The following ARHGAP21 variants were observed in gnomAD, a reference collection of about 807,000 sequenced individuals.
ARHGAP21 encodes Rho GTPase activating protein 21, also known as rho GTPase-activating protein 21.
Under a neutral mutation model 164.6 loss-of-function variants are expected in ARHGAP21, and 38 were observed. The ratio of observed to expected loss-of-function variants is 0.23; its 90% CI spans 0.18 to 0.30. The LOEUF (loss-of-function observed/expected upper bound fraction) is 0.30. ARHGAP21 is among the 10% of genes least tolerant of loss of function. ARHGAP21 has a pLI of 1.00. For synonymous variants in ARHGAP21, 766 were observed against 857.9 expected (o/e 0.89, Z 1.87); for missense variants, 1,822 against 2,370.7 (o/e 0.77, Z 4.81).
intron 16 of ARHGAP21, 112 bp from the exon 17 acceptor site, chr10:24,596,994 A>T: frequency 8.6e-7 from 1 of 1,160,330 alleles, no homozygotes; most frequent in Non-Finnish European, 1.2e-6. Flanking sequence ...CCTGTAATAT[A>T]AATAATACAT....
chr10:24,717,125 G>A (rs1466644459), intron 2 of ARHGAP21, among the ~76,000 whole-genome samples: 1 of 152,166 alleles, frequency 6.6e-6, no homozygotes, highest in Non-Finnish European at 1.5e-5. Context: ...ACAGTATTGG[G>A]AGAAGAAATG....
In ARHGAP21 at chr10:24,620,184, G is replaced by C. The variant is rs139365604; in HGVS notation, c.1711C>G (p.Arg571Gly). Residue 571 changes from arginine to glycine, a missense_variant, in exon 9 of 26, where the codon CGA becomes GGA. By Grantham distance (125) the Arg-to-Gly change is moderately radical (BLOSUM62 -2). Coordinates refer to ENST00000396432, the MANE Select transcript of ARHGAP21 (RefSeq NM_020824.4). ...APSVVNSDNRRMSGRGVGSVS... is the reference protein window; with the variant it reads ...APSVVNSDNRGMSGRGVGSVS... ...GATCCCACTCCTCTACCACTCATTCGCCTGTTATCAGAATTAACAACGCTT... is the reference window on the plus strand; with the variant it reads ...GATCCCACTCCTCTACCACTCATTCCCCTGTTATCAGAATTAACAACGCTT... 39 of 1,613,656 alleles carry C rather than the reference G, an allele frequency of 2.4e-5. No homozygotes were observed. The highest frequency in any genetic ancestry group is 2.9e-5 in the Non-Finnish European group (34 of 1,179,848).
intron 4 of ARHGAP21, among the ~76,000 whole-genome samples, chr10:24,662,677 A>G (rs1035705233): frequency 2.0e-5 from 3 of 152,192 alleles, no homozygotes; most frequent in African/African-American, 7.2e-5. Context: ...TTTGCTTAGG[A>G]AGAAAACTAC....
Position 24,607,581 on chromosome 10 carries a change from G to A in ARHGAP21, c.2602C>T (p.Leu868=). 1.2e-6 allele frequency: 2 copies of A among 1,614,074 alleles called. No homozygotes were observed. Among genetic ancestry groups the A allele is most frequent in the Non-Finnish European group, 1.7e-6 (2 of 1,179,996 alleles). The change falls in exon 11 of 26, where the codon CTG becomes TTG. Residue 868 remains leucine, a synonymous_variant. Transcript: ENST00000396432. ...GTCTTTGAGTTGGGCTGAGCATCCA[G>A]GCTAGGAGGGCCAACAGATTCTGTA... ...HDHESVGPPS[L]DAQPNSKTER... is the part of the protein sequence containing the mutation.
intron 2 of ARHGAP21, among the ~76,000 whole-genome samples, chr10:24,710,048 G>A (rs1022446445): frequency 1.3e-5 from 2 of 152,182 alleles, no homozygotes; most frequent in African/African-American, 4.8e-5. Flanking sequence ...TGAAATATGG[G>A]TAAAAACAAA....
chr10:24,707,058 T>A (rs1485159050), intron 2 of ARHGAP21, among the ~76,000 whole-genome samples: 1 of 152,168 alleles, frequency 6.6e-6, no homozygotes, highest in East Asian at 1.9e-4. Context: ...TTTCTTAACC[T>A]CTCAGTAGCG....
At chr10:24,676,289 C>T (rs1442602515) in intron 2 of ARHGAP21, among the ~76,000 whole-genome samples, 1 of 152,112 alleles carries the variant, frequency 6.6e-6, no homozygotes. Flanking sequence ...CTCTTTTTTG[C>T]CAACTTTTAT....
In ARHGAP21 at chr10:24,625,059, G is replaced by T. The variant is rs1286908890; in HGVS notation, c.496-2297C>A. Among the ~76,000 whole-genome samples, 2 of 77,718 alleles carry T rather than the reference G, an allele frequency of 2.6e-5. 1 individual carries two copies. Among genetic ancestry groups the T allele is most frequent in the Non-Finnish European group, 5.0e-5 (2 of 40,256 alleles). 51.0% of individuals were successfully genotyped at this position (77,718 alleles called of 152,430 possible). ...AAAAAGCTCTAAAAAGTGGGGGGGG[G>T]GGGGGAGGAGGAGGAGGAAGAAAAT... On this transcript the variant is annotated intron_variant, in intron 7 of 25. Transcript: ENST00000396432.
chr10:24,717,300 T>C lies in ARHGAP21; in HGVS notation c.63+4537A>G, dbSNP rs547763335. Among the ~76,000 whole-genome samples, 163 of 152,330 alleles carry C rather than the reference T, an allele frequency of 1.1e-3. 4 individuals are homozygous for C. In the South Asian group the frequency reaches 0.031, roughly 29 times the overall value. On this transcript the variant is annotated intron_variant, in intron 2 of 25. Coordinates refer to ENST00000396432, the MANE Select transcript of ARHGAP21 (RefSeq NM_020824.4). The stretch of plus-strand genomic sequence containing the variant: ...AATAAAATGTAAAGCCTTTCCTGCA[T>C]ATTCATTTATTCATTCAAAAAATAT...
At chr10:24,705,786 C>G (rs1844167435) in intron 2 of ARHGAP21, among the ~76,000 whole-genome samples, 1 of 152,164 alleles carries the variant, frequency 6.6e-6, no homozygotes, top group Non-Finnish European at 1.5e-5. Flanking sequence ...TTTAAAGATT[C>G]ACTGATAACT....
chr10:24,689,844 ATG>A (rs1436175894), intron 2 of ARHGAP21, among the ~76,000 whole-genome samples: 6 of 148,024 alleles, frequency 4.1e-5, no homozygotes, highest in Non-Finnish European at 5.9e-5. Flanking sequence ...GTGTATATAT[ATG>A]TATATATGTA....
At chr10:24,608,003 T>C (rs1252402074) in intron 9 of ARHGAP21, 100 bp from the exon 10 acceptor site, 5 of 1,134,548 alleles carry the variant, frequency 4.4e-6, no homozygotes, top group Non-Finnish European at 6.1e-6. Context: ...ATAAGGATTT[T>C]AACACTTCAC....
chr10:24,714,872 T>C (rs959323282), intron 2 of ARHGAP21, among the ~76,000 whole-genome samples: 29 of 151,628 alleles, frequency 1.9e-4, no homozygotes, highest in East Asian at 7.7e-4. Flanking sequence ...CTACTAAAAA[T>C]ACAAAAAATT....
chr10:24,612,860 T>A (rs1272627107), intron 9 of ARHGAP21, among the ~76,000 whole-genome samples: 1 of 151,660 alleles, frequency 6.6e-6, no homozygotes, highest in Non-Finnish European at 1.5e-5. Flanking sequence ...GTTTCAAAAA[T>A]AAATAAATAA....
chr10:24,715,580 A>G (rs1845290391), intron 2 of ARHGAP21, among the ~76,000 whole-genome samples: 1 of 152,230 alleles, frequency 6.6e-6, no homozygotes, highest in Non-Finnish European at 1.5e-5. Context: ...AGCTTCCCAA[A>G]GGTAAAAAAG....
chr10:24,711,498 C>T (rs900208250), intron 2 of ARHGAP21, among the ~76,000 whole-genome samples: 3 of 152,192 alleles, frequency 2.0e-5, no homozygotes, highest in Non-Finnish European at 2.9e-5. Flanking sequence ...TTAGAAAACT[C>T]AAACCTGTTT....
chr10:24,660,836 T>A (rs146355402), intron 4 of ARHGAP21, among the ~76,000 whole-genome samples: 198 of 152,282 alleles, frequency 1.3e-3, no homozygotes, highest in Middle Eastern at 0.01. Context: ...ATTGCACATA[T>A]CTCCTTAATC....
chr10:24,644,758 C>T (rs1363919835), intron 4 of ARHGAP21, among the ~76,000 whole-genome samples: 1 of 152,202 alleles, frequency 6.6e-6, no homozygotes, highest in Non-Finnish European at 1.5e-5. Flanking sequence ...TCTGATTCTT[C>T]TTTCTCTGAC....
chr10:24,607,393 A>C (rs2077072205), intron 11 of ARHGAP21, 106 bp downstream of exon 11: 2 of 943,460 alleles, frequency 2.1e-6, no homozygotes, highest in Non-Finnish European at 3.2e-6. Flanking sequence ...TTCTAATGTC[A>C]AAGTTAGAAA....
Sources: allele counts gnomAD v4.1 joint callset (sites outside exome capture counted in the v4.1 genomes callset), GRCh38; gene constraint gnomAD v4.1.1; transcripts MANE v1.5; gene names NCBI Gene and HGNC (gene_info 2026-07-23, HGNC 2026-07-21).